KYAT3: variants seen among roughly 807,000 people sequenced by gnomAD.
KYAT3 encodes the protein kynurenine--oxoglutarate transaminase 3.
KYAT3 carries 50 observed loss-of-function variants against 59.0 expected under a neutral mutation model. The ratio of observed to expected loss-of-function variants is 0.85; its 90% CI spans 0.68 to 1.07. The LOEUF (loss-of-function observed/expected upper bound fraction) is 1.07, where lower values mean the gene tolerates loss of function less well. Ranked by LOEUF, KYAT3 falls within the 50% of genes least tolerant of loss-of-function variation. The pLI is 0.00. For missense variants in KYAT3, 497 were observed against 533.3 expected, an observed-to-expected ratio of 0.93 and a Z score of 0.67; for synonymous variants, 148 against 177.0, an observed-to-expected ratio of 0.84 and a Z score of 1.30.
intron 2 of KYAT3, chr1:88,983,516 C>T (rs748759247): frequency 6.2e-7 from 1 of 1,614,172 alleles, no homozygotes; most frequent in Non-Finnish European, 8.5e-7. Flanking sequence ...TCTTGGAGGA[C>T]CTCTACTTCT....
At chr1:88,981,929 A>G (rs1247432567) in intron 2 of KYAT3, 2 of 976,686 alleles carry the variant, frequency 2.0e-6, no homozygotes, top group Admixed American at 6.1e-5. Flanking sequence ...CAAAAATTTG[A>G]AAGAGTAAGA....
chr1:88,975,307 A>G (rs1380935107), intron 2 of KYAT3, among the ~76,000 whole-genome samples: 1 of 152,134 alleles, frequency 6.6e-6, no homozygotes, highest in Non-Finnish European at 1.5e-5. Flanking sequence ...ACGTGCCACC[A>G]TGCCTGGCTA....
intron 2 of KYAT3, among the ~76,000 whole-genome samples, chr1:88,969,820 T>C (rs1277840924): frequency 6.6e-6 from 1 of 152,012 alleles, no homozygotes; most frequent in East Asian, 1.9e-4. Flanking sequence ...TTTTTTGTTG[T>C]TGTTTGTTTG....
At chr1:88,940,308 G>A (rs1014750024) in intron 13 of KYAT3, among the ~76,000 whole-genome samples, 6 of 152,154 alleles carry the variant, frequency 3.9e-5, no homozygotes, top group Non-Finnish European at 2.9e-5. Context: ...CTGACCTCAA[G>A]TGATCCTCCT....
the KYAT3 span, chr1:88,923,808 C>T: frequency 2.5e-4 from 53 of 216,012 alleles, no homozygotes; most frequent in African/African-American, 1.2e-3. Context: ...CAAAAGTATG[C>T]CCTCTATAGT....
At chr1:88,968,935 A>G (rs1431746317) in intron 3 of KYAT3, 121 bp from the exon 4 acceptor site, 9 of 703,748 alleles carry the variant, frequency 1.3e-5, no homozygotes, top group Non-Finnish European at 2.0e-5. Context: ...TATAGGTTTT[A>G]AAAAATGAGT....
chr1:88,929,308 G>A, the KYAT3 span, among the ~76,000 whole-genome samples: 70 of 152,236 alleles, frequency 4.6e-4, no homozygotes, highest in African/African-American at 1.6e-3. Context: ...CAATGAGGCC[G>A]TTGTCCCTCT....
chr1:88,928,376 C>T, the KYAT3 span, among the ~76,000 whole-genome samples: 5 of 149,726 alleles, frequency 3.3e-5, no homozygotes, highest in African/African-American at 7.5e-5. Flanking sequence ...ACGGGACAAA[C>T]GGGATAAAAA....
At chr1:88,925,877 T>C in the KYAT3 span, among the ~76,000 whole-genome samples, 1 of 152,130 alleles carries the variant, frequency 6.6e-6, no homozygotes, top group East Asian at 1.9e-4. Flanking sequence ...AACCTATGAT[T>C]GATAATTGAA....
intron 9 of KYAT3, among the ~76,000 whole-genome samples, chr1:88,953,618 T>G (rs1317342385): frequency 6.6e-6 from 1 of 151,816 alleles, no homozygotes. Flanking sequence ...ATTTCAATGG[T>G]GTTCTTTTCA....
downstream of KYAT3, among the ~76,000 whole-genome samples, chr1:88,931,396 G>GAC (rs914405394): frequency 1.3e-5 from 2 of 152,142 alleles, no homozygotes. Flanking sequence ...ATCTACTGCG[G>GAC]ACCCCTGGAC....
At chr1:88,968,843 T>G (rs756064392) in intron 3 of KYAT3, 29 bp from the exon 4 acceptor site, 20 of 1,516,732 alleles carry the variant, frequency 1.3e-5, no homozygotes, top group Non-Finnish European at 1.8e-5. Flanking sequence ...CTAATATTAA[T>G]AAGTTCTACA....
chr1:88,984,254 G>T (rs934008961), intron 2 of KYAT3, among the ~76,000 whole-genome samples: 30 of 112,180 alleles, frequency 2.7e-4, no homozygotes, highest in African/African-American at 1.0e-3. Flanking sequence ...TCACAGTGTT[G>T]CCCAGGCTGG....
In KYAT3 at chr1:88,953,079, C is replaced by T. The variant is rs747778227; in HGVS notation, c.938G>A (p.Cys313Tyr). Residue 313 changes from cysteine to tyrosine, a missense_variant, in exon 10 of 14, where the codon TGT (cysteine) becomes TAT (tyrosine). By Grantham distance (194) the Cys-to-Tyr change is radical. Transcript: ENST00000260508. Reference sequence around the variant, plus strand: ...AACACTTACCTGTAAAGGAGTTGCACAAGTATAAATCGTGTTTTGTTGAAC... The same window carrying T: ...AACACTTACCTGTAAAGGAGTTGCATAAGTATAAATCGTGTTTTGTTGAAC... ...QTVQQNTIYT[C>Y]ATPLQEALAQ... 2.5e-6 allele frequency: 4 copies of T among 1,609,676 alleles called. No homozygotes were observed. The highest frequency in any genetic ancestry group is 2.2e-5 in the East Asian group (1 of 44,828).
intron 4 of KYAT3, among the ~76,000 whole-genome samples, chr1:88,967,791 T>A (rs1676399384): frequency 6.6e-6 from 1 of 152,210 alleles, no homozygotes; most frequent in African/African-American, 2.4e-5. Context: ...TTTTTATTGG[T>A]CAATCTAGCT....
intron 2 of KYAT3, among the ~76,000 whole-genome samples, chr1:88,987,525 T>C (rs905994618): frequency 6.6e-6 from 1 of 152,166 alleles, no homozygotes; most frequent in East Asian, 1.9e-4. Context: ...ACAAAAATGG[T>C]ACTTCATATG....
chr1:88,953,387 T>C (rs1239401190), intron 9 of KYAT3, among the ~76,000 whole-genome samples: 1 of 150,274 alleles, frequency 6.7e-6, no homozygotes, highest in South Asian at 2.1e-4. Context: ...TCTATAAAAA[T>C]ACAAAAAAAT....
At chr1:88,942,567 T>TAA (rs1364178155) in intron 13 of KYAT3, among the ~76,000 whole-genome samples, 1 of 152,156 alleles carries the variant, frequency 6.6e-6, no homozygotes, top group Non-Finnish European at 1.5e-5. Flanking sequence ...GGTAAGCAGT[T>TAA]AATTTTTTTT....
chr1:88,931,154 G>C (rs1674898716), downstream of KYAT3, among the ~76,000 whole-genome samples: 1 of 152,070 alleles, frequency 6.6e-6, no homozygotes. Flanking sequence ...GGCATTGATA[G>C]CACCCATCAG....
Sources: allele counts gnomAD v4.1 joint callset (sites outside exome capture counted in the v4.1 genomes callset), GRCh38; gene constraint gnomAD v4.1.1; transcripts MANE v1.5; gene names NCBI Gene and HGNC (gene_info 2026-07-23, HGNC 2026-07-21).